The following MGAT4C variants were observed in gnomAD, a reference collection of about 807,000 sequenced individuals.
The protein encoded by MGAT4C is alpha-1,3-mannosyl-glycoprotein 4-beta-N-acetylglucosaminyltransferase C.
MGAT4C carries 19 observed loss-of-function variants against 40.1 expected under a neutral mutation model. The observed-to-expected ratio is 0.47, with a 90% CI of 0.33 to 0.70. The LOEUF is 0.70. Among genes scored for constraint, MGAT4C ranks in the 30% least tolerant of loss-of-function variants. The pLI is 0.02. For synonymous variants in MGAT4C, 181 were observed against 187.1 expected (o/e 0.97, Z 0.27); for missense variants, 491 against 563.2 (o/e 0.87, Z 1.30).
intron 3 of MGAT4C, among the ~76,000 whole-genome samples, chr12:86,340,299 T>C (rs1954881330): frequency 6.6e-6 from 1 of 151,994 alleles, no homozygotes; most frequent in Non-Finnish European, 1.5e-5. Flanking sequence ...AAGGCTTGAT[T>C]AAATACCAAG....
At position 85,964,054 on chromosome 12, in the gene MGAT4C, A is replaced by G. The variant is rs1327445336; in HGVS notation, c.*15235T>C. ...AGATAAACAAGCAGAAAACAAAACT[A>G]TAGAAAAAAGTCAAAGTGACATAAA... On this transcript the variant is annotated 3_prime_UTR_variant, in exon 5 of 5. Coordinates refer to ENST00000611864, the MANE Select transcript of MGAT4C (RefSeq NM_001351288.2). 6.6e-6 allele frequency: 1 copy of G among 152,060 alleles called. No individual in the cohort carries two copies. Among genetic ancestry groups the G allele is most frequent in the Non-Finnish European group, 1.5e-5 (1 of 67,938 alleles). 9.4% of individuals were successfully genotyped at this position (152,060 alleles called of 1,614,324 possible).
At chr12:86,748,320 G>C (rs1468781187) in intron 1 of MGAT4C, among the ~76,000 whole-genome samples, 1 of 151,526 alleles carries the variant, frequency 6.6e-6, no homozygotes, top group Non-Finnish European at 1.5e-5. Context: ...TCTGCCTCTG[G>C]CCTCTGAATA....
chr12:86,066,040 C>T (rs1894509013), intron 1 of MGAT4C, among the ~76,000 whole-genome samples: 1 of 152,148 alleles, frequency 6.6e-6, no homozygotes, highest in Non-Finnish European at 1.5e-5. Context: ...CTACAAACCA[C>T]TGCTCAAGGA....
chr12:86,534,978 T>A (rs1959045030), intron 2 of MGAT4C, among the ~76,000 whole-genome samples: 1 of 152,182 alleles, frequency 6.6e-6, no homozygotes, highest in East Asian at 1.9e-4. Flanking sequence ...AATACAGAGG[T>A]AATATCTAGG....
At chr12:86,381,889 T>A (rs748947748) in intron 3 of MGAT4C, among the ~76,000 whole-genome samples, 2 of 152,166 alleles carry the variant, frequency 1.3e-5, no homozygotes, top group Non-Finnish European at 2.9e-5. Flanking sequence ...GGAGTCTCCC[T>A]GCACAAGCCA....
chr12:86,705,264 A>G (rs905488779), intron 2 of MGAT4C, among the ~76,000 whole-genome samples: 3 of 147,452 alleles, frequency 2.0e-5, no homozygotes, highest in African/African-American at 7.6e-5. Flanking sequence ...CTATCTATCT[A>G]TCTAATTTGT....
chr12:86,666,080 C>T (rs1254000380), intron 2 of MGAT4C, among the ~76,000 whole-genome samples: 1 of 152,126 alleles, frequency 6.6e-6, no homozygotes, highest in Non-Finnish European at 1.5e-5. Flanking sequence ...GTAATCAAAA[C>T]TGCAATTCTT....
intron 3 of MGAT4C, among the ~76,000 whole-genome samples, chr12:86,411,844 T>C (rs1956612487): frequency 6.6e-6 from 1 of 151,830 alleles, no homozygotes; most frequent in Non-Finnish European, 1.5e-5. Context: ...TGAAGAATGG[T>C]TTTTCAGGCC....
chr12:86,376,932 T>C (rs934351709), intron 3 of MGAT4C, among the ~76,000 whole-genome samples: 1 of 151,904 alleles, frequency 6.6e-6, no homozygotes, highest in African/African-American at 2.4e-5. Flanking sequence ...TTTAAGTTGT[T>C]GACACTAGTG....
intron 1 of MGAT4C, among the ~76,000 whole-genome samples, chr12:86,736,895 C>T (rs1477435670): frequency 6.6e-6 from 1 of 151,382 alleles, no homozygotes; most frequent in East Asian, 2.0e-4. Context: ...TGTACATAAC[C>T]TTATCCCTTT....
intron 2 of MGAT4C, among the ~76,000 whole-genome samples, chr12:86,445,571 G>A (rs1957319383): frequency 6.6e-6 from 1 of 152,070 alleles, no homozygotes; most frequent in Non-Finnish European, 1.5e-5. Context: ...TATGCATATA[G>A]CATCAAAAGA....
intron 1 of MGAT4C, among the ~76,000 whole-genome samples, chr12:86,107,692 T>C (rs1313267305): frequency 6.6e-6 from 1 of 152,156 alleles, no homozygotes. Flanking sequence ...GTAAAATTGT[T>C]CTTAGTAAAT....
intron 2 of MGAT4C, among the ~76,000 whole-genome samples, chr12:86,468,308 C>T (rs1197399640): frequency 6.6e-6 from 1 of 151,832 alleles, no homozygotes; most frequent in Admixed American, 6.6e-5. Context: ...TTCCTTTTCA[C>T]CTTACTACAC....
intron 2 of MGAT4C, among the ~76,000 whole-genome samples, chr12:86,438,225 A>C (rs888813556): frequency 2.0e-5 from 3 of 151,996 alleles, no homozygotes; most frequent in Admixed American, 1.3e-4. Context: ...TGGTCAGGAT[A>C]AAATATCAAA....
intron 1 of MGAT4C, among the ~76,000 whole-genome samples, chr12:86,088,805 T>C (rs1592905029): frequency 6.6e-6 from 1 of 152,026 alleles, no homozygotes; most frequent in East Asian, 1.9e-4. Flanking sequence ...GGAGTGCAAA[T>C]GAATTCAACC....
chr12:86,044,715 TG>T (rs1271203261), intron 2 of MGAT4C, among the ~76,000 whole-genome samples: 1 of 152,042 alleles, frequency 6.6e-6, no homozygotes, highest in African/African-American at 2.4e-5. Context: ...TGTGGGCCCC[TG>T]GGAAGCACCT....
chr12:86,020,302 C>A (rs565730144), intron 2 of MGAT4C, among the ~76,000 whole-genome samples: 2 of 152,204 alleles, frequency 1.3e-5, no homozygotes, highest in East Asian at 3.9e-4. Context: ...AGTTTTTGCC[C>A]ATTCAATATG....
chr12:86,747,207 A>G (rs1387402796), intron 1 of MGAT4C, among the ~76,000 whole-genome samples: 2 of 151,680 alleles, frequency 1.3e-5, no homozygotes, highest in Non-Finnish European at 3.0e-5. Context: ...CTCTTTAAAC[A>G]CTGATTTATA....
intron 1 of MGAT4C, among the ~76,000 whole-genome samples, chr12:86,810,064 TA>T (rs1034712800): frequency 2.6e-5 from 4 of 152,076 alleles, no homozygotes; most frequent in African/African-American, 7.2e-5. Context: ...ACTTTCATTG[TA>T]AAAATCCATA....
Sources: gnomAD v4.1 joint callset for allele counts (sites outside exome capture counted in the v4.1 genomes callset) on GRCh38, gnomAD v4.1.1 for gene constraint, MANE v1.5 for transcripts, NCBI Gene and HGNC (gene_info 2026-07-23, HGNC 2026-07-21) for gene names.